Variants in GABBR2 observed in about 807,000 individuals in gnomAD.
The protein encoded by GABBR2 is gamma-aminobutyric acid type B receptor subunit 2, also known as G-protein coupled receptor 51.
In GABBR2, 23 loss-of-function variants were observed where a neutral mutation model predicts 105.6. That is an observed-to-expected ratio of 0.22 (90% CI 0.16 to 0.31). GABBR2 has a LOEUF of 0.31. GABBR2 is among the 10% of genes least tolerant of loss of function. GABBR2 has a pLI of 1.00. For synonymous variants in GABBR2, 478 were observed against 499.7 expected, an observed-to-expected ratio of 0.96 and a Z score of 0.58; for missense variants, 734 against 1,245.5, an observed-to-expected ratio of 0.59 and a Z score of 6.18.
chr9:98,691,047 T>A (rs1023506481), intron 1 of GABBR2, among the ~76,000 whole-genome samples: 16 of 152,188 alleles, frequency 1.1e-4, no homozygotes, highest in African/African-American at 3.6e-4. Context: ...ATCTATTATG[T>A]CCACCTACAG....
chr9:98,525,548 A>G (rs1208499624), intron 3 of GABBR2, among the ~76,000 whole-genome samples: 2 of 152,212 alleles, frequency 1.3e-5, no homozygotes, highest in Non-Finnish European at 2.9e-5. Context: ...GAACCCTCAT[A>G]CCTTGCTGGT....
At chr9:98,646,202 G>T (rs1830027528) in intron 1 of GABBR2, among the ~76,000 whole-genome samples, 1 of 152,208 alleles carries the variant, frequency 6.6e-6, no homozygotes, top group Non-Finnish European at 1.5e-5. Flanking sequence ...GGCCTAAATT[G>T]TTTGTGCAGA....
At chr9:98,317,856 T>C (rs1201004542) in intron 13 of GABBR2, among the ~76,000 whole-genome samples, 1 of 152,142 alleles carries the variant, frequency 6.6e-6, no homozygotes, top group Non-Finnish European at 1.5e-5. Context: ...CAGTTATGAA[T>C]ACAAACAGTG....
chr9:98,472,323 C>T (rs574728518), intron 6 of GABBR2, among the ~76,000 whole-genome samples: 13 of 152,344 alleles, frequency 8.5e-5, no homozygotes, highest in African/African-American at 2.6e-4. Flanking sequence ...AATACTTTTA[C>T]ATGTCCTATA....
chr9:98,307,551 T>G (rs1265886266), intron 14 of GABBR2, among the ~76,000 whole-genome samples: 2 of 152,140 alleles, frequency 1.3e-5, no homozygotes, highest in Non-Finnish European at 1.5e-5. Flanking sequence ...AGGACCTGTG[T>G]TTAGAGATTC....
intron 9 of GABBR2, among the ~76,000 whole-genome samples, chr9:98,391,891 G>A (rs1434596814): frequency 1.3e-5 from 2 of 152,208 alleles, no homozygotes; most frequent in Non-Finnish European, 2.9e-5. Context: ...TTTGGCTGCT[G>A]AGGGCAGAAT....
chr9:98,662,812 G>A (rs979668131), intron 1 of GABBR2, among the ~76,000 whole-genome samples: 2 of 152,172 alleles, frequency 1.3e-5, no homozygotes, highest in Non-Finnish European at 2.9e-5. Flanking sequence ...CCCCAGGCAC[G>A]TGTATCCCCC....
At chr9:98,436,361 ATATATATATATATAT>A (rs1825918348) in intron 7 of GABBR2, among the ~76,000 whole-genome samples, 3 of 5,120 alleles carry the variant, frequency 5.9e-4, no homozygotes, top group Non-Finnish European at 1.3e-3. Flanking sequence ...ATATATATAT[ATATATATATATATAT>A]ATATATATAT....
chr9:98,638,550 A>C (rs958504956), intron 1 of GABBR2, among the ~76,000 whole-genome samples: 1 of 152,198 alleles, frequency 6.6e-6, no homozygotes, highest in African/African-American at 2.4e-5. Flanking sequence ...GCCTTTATAC[A>C]AAGGCTGGAT....
At chr9:98,364,414 T>G (rs1831640905) in intron 12 of GABBR2, among the ~76,000 whole-genome samples, 1 of 152,196 alleles carries the variant, frequency 6.6e-6, no homozygotes, top group African/African-American at 2.4e-5. Context: ...TGCACCTTTC[T>G]GCTGGCATAC....
chr9:98,544,045 CTTT>C (rs1828358280), intron 2 of GABBR2, among the ~76,000 whole-genome samples: 1 of 141,374 alleles, frequency 7.1e-6, no homozygotes, highest in African/African-American at 2.5e-5. Context: ...TCCTTCTCTT[CTTT>C]TGTTTCATTC....
chr9:98,434,506 A>G (rs1168846178), intron 7 of GABBR2, among the ~76,000 whole-genome samples: 1 of 152,190 alleles, frequency 6.6e-6, no homozygotes, highest in East Asian at 1.9e-4. Context: ...ACCCATTACC[A>G]TGGCATAAAT....
chr9:98,542,957 A>C (rs1379771045), intron 2 of GABBR2, among the ~76,000 whole-genome samples: 2 of 143,992 alleles, frequency 1.4e-5, no homozygotes, highest in African/African-American at 4.9e-5. Context: ...TTTAATGAAG[A>C]TATTTTATAT....
chr9:98,404,302 T>C (rs917595581), intron 8 of GABBR2, among the ~76,000 whole-genome samples: 5 of 152,090 alleles, frequency 3.3e-5, no homozygotes, highest in African/African-American at 4.8e-5. Context: ...TGCCTAAAAT[T>C]ACATCTTTTG....
chr9:98,664,454 C>T (rs969804580), intron 1 of GABBR2, among the ~76,000 whole-genome samples: 3 of 152,206 alleles, frequency 2.0e-5, no homozygotes, highest in Admixed American at 1.3e-4. Flanking sequence ...CTCAGGTACA[C>T]GATATGTGGC....
chr9:98,327,113 C>T (rs1163707261), intron 13 of GABBR2, among the ~76,000 whole-genome samples: 1 of 152,196 alleles, frequency 6.6e-6, no homozygotes, highest in Non-Finnish European at 1.5e-5. Context: ...AGATTTTATG[C>T]CTGAGTAAAA....
Position 98,454,340 on chromosome 9 carries a change from A to G in GABBR2, c.1000-123T>C, listed in dbSNP as rs73505014. ...GGTGCCAGGTACAGTGCTAGATTCT[A>G]CGTGCATTATCTCATTTAACCCTCA... On this transcript the variant is annotated intron_variant, in intron 6 of 18. Transcript: ENST00000259455. This position sits in a 1 kb window ranked among gnomAD's most constrained non-coding sequence, Gnocchi z 4.6. 7,000 of 715,752 alleles carry G rather than the reference A, an allele frequency of 9.8e-3. 339 individuals are homozygous for G. In the African/African-American group the frequency reaches 0.1, roughly 11 times the overall value. 44.3% of individuals were successfully genotyped at this position (715,752 alleles called of 1,614,324 possible).
intron 8 of GABBR2, among the ~76,000 whole-genome samples, chr9:98,399,962 A>G (rs964763120): frequency 6.6e-6 from 1 of 151,134 alleles, no homozygotes; most frequent in Non-Finnish European, 1.5e-5. Flanking sequence ...GGATCGCTTC[A>G]GGCCACGAGT....
chr9:98,695,534 T>C (rs559189892), intron 1 of GABBR2, among the ~76,000 whole-genome samples: 8 of 152,336 alleles, frequency 5.3e-5, no homozygotes, highest in East Asian at 1.9e-4. Flanking sequence ...AACTTCTTCA[T>C]TGGCCTCAAA....
Sources: gnomAD v4.1 joint callset for allele counts (sites outside exome capture counted in the v4.1 genomes callset) on GRCh38, gnomAD v4.1.1 for gene constraint, Gnocchi (gnomAD v3.1) non-coding constraint, MANE v1.5 for transcripts, NCBI Gene and HGNC (gene_info 2026-07-23, HGNC 2026-07-21) for gene names.